FBXO17: variants seen among roughly 807,000 people sequenced by gnomAD.
The protein encoded by FBXO17 is F-box only protein 17.
A neutral mutation model predicts 34.1 loss-of-function variants in FBXO17; 43 were observed. The ratio of observed to expected loss-of-function variants is 1.26; its 90% CI spans 0.99 to 1.62. The LOEUF (loss-of-function observed/expected upper bound fraction) is 1.62, where lower values mean the gene tolerates loss of function less well. Among genes scored for constraint, FBXO17 ranks in the 40% most tolerant of loss-of-function variants. The pLI is 0.00. For synonymous variants in FBXO17, 169 were observed against 166.0 expected, an observed-to-expected ratio of 1.02 and a Z score of -0.14; for missense variants, 424 against 386.7, an observed-to-expected ratio of 1.10 and a Z score of -0.81.
In FBXO17 at chr19:38,963,618, T is replaced by C. The variant is rs184013519; in HGVS notation, c.-18+11968A>G. On this transcript the variant is annotated intron_variant, in intron 1 of 5. Coordinates refer to ENST00000292852, the MANE Select transcript of FBXO17 (RefSeq NM_024907.7). ...CATCCACTTGTTGTGTATCAATCAG[T>C]AGTCTATTCCTTTTTATTGCTGGGT... Among the ~76,000 whole-genome samples, 322 of 152,210 alleles carry C rather than the reference T, an allele frequency of 2.1e-3. 1 individual carries two copies. The highest frequency in any genetic ancestry group is 7.5e-3 in the African/African-American group (312 of 41,526).
intron 1 of FBXO17, among the ~76,000 whole-genome samples, chr19:38,965,342 T>TA (rs532014818): frequency 6.6e-6 from 1 of 151,608 alleles, no homozygotes. Context: ...TTCTTTTTTT[T>TA]TTTTGAGATG....
chr19:38,949,807 G>C, intron 2 of FBXO17, 164 bp downstream of exon 2: 2 of 863,684 alleles, frequency 2.3e-6, no homozygotes, highest in Non-Finnish European at 3.4e-6. Context: ...CTCCAGCCCC[G>C]CCCACCGGGC....
intron 1 of FBXO17, among the ~76,000 whole-genome samples, chr19:38,956,505 T>C (rs554417645): frequency 6.6e-6 from 1 of 152,280 alleles, no homozygotes; most frequent in East Asian, 1.9e-4. Flanking sequence ...ATAGAATTCA[T>C]GAGCTGATCC....
At chr19:38,943,030 G>C (rs539732861) in intron 5 of FBXO17, among the ~76,000 whole-genome samples, 2 of 152,254 alleles carry the variant, frequency 1.3e-5, no homozygotes, top group African/African-American at 4.8e-5. Flanking sequence ...GCCCCACAGA[G>C]GTGACACCTG....
intron 1 of FBXO17, among the ~76,000 whole-genome samples, chr19:38,958,452 A>C (rs1010903011): frequency 1.1e-4 from 16 of 151,484 alleles, no homozygotes; most frequent in African/African-American, 3.9e-4. Flanking sequence ...AAACACGAAA[A>C]GTGGCTCAAC....
chr19:38,945,970 CCCAGGGAAGAGA>C (rs1335626406), intron 4 of FBXO17: 2 of 181,052 alleles, frequency 1.1e-5, no homozygotes. Context: ...GAGCCAGAGC[CCCAGGGAAGAGA>C]CCAGATTTTC....
At chr19:38,946,174 C>T (rs1052213937) in intron 4 of FBXO17, 4 of 456,130 alleles carry the variant, frequency 8.8e-6, no homozygotes, top group Non-Finnish European at 1.6e-5. Context: ...CCTGGGCATC[C>T]ACAAGGTGGT....
chr19:38,949,937 C>G, intron 2 of FBXO17, 34 bp downstream of exon 2: 4 of 1,487,170 alleles, frequency 2.7e-6, no homozygotes, highest in Non-Finnish European at 3.6e-6. Context: ...GCGCGGCCCC[C>G]CTCAGCCTCC....
chr19:38,958,067 C>T (rs967126913), intron 1 of FBXO17, among the ~76,000 whole-genome samples: 1 of 146,224 alleles, frequency 6.8e-6, no homozygotes, highest in Non-Finnish European at 1.5e-5. Flanking sequence ...GAAGGGGCCA[C>T]TGTATTCCAG....
At chr19:38,959,282 T>C (rs201771317) in intron 1 of FBXO17, among the ~76,000 whole-genome samples, 8,846 of 64,170 alleles carry the variant, frequency 0.14, 361 homozygotes, top group East Asian at 0.47. Context: ...TTTCTTTCTT[T>C]CTTTTTTTTT....
chr19:38,962,106 TAAAAAAAAAA>T (rs71167604), intron 1 of FBXO17, among the ~76,000 whole-genome samples: 1 of 92,500 alleles, frequency 1.1e-5, no homozygotes, highest in African/African-American at 4.5e-5. Flanking sequence ...GGGACGCTGT[TAAAAAAAAAA>T]AAAAAAAAAA....
chr19:38,942,828 A>G (rs1974912882), intron 5 of FBXO17, 77 bp from the exon 6 acceptor site: 22 of 1,521,854 alleles, frequency 1.4e-5, no homozygotes, highest in Non-Finnish European at 1.9e-5. Context: ...ATAGGCCCAA[A>G]GGACTGAGGA....
In FBXO17 at chr19:38,946,496, T is replaced by C; in HGVS notation, c.533A>G (p.Gln178Arg). 1.2e-6 allele frequency: 2 copies of C among 1,614,022 alleles called. No individual in the cohort carries two copies. Among genetic ancestry groups the C allele is most frequent in the Non-Finnish European group, 1.7e-6 (2 of 1,179,930 alleles). ...GVWQELLDSA[Q>R]IEICVADWWG... ...CCAGTCAGCCACACAGATCTCAATC[T>C]GGGCGCTGTCCAGCAGCTCCTGCCA... The change falls in exon 4 of 6, where the codon CAG becomes CGG. Residue 178 changes from glutamine (Q) to arginine (R), a missense_variant. Transcript: ENST00000292852.
intron 1 of FBXO17, among the ~76,000 whole-genome samples, chr19:38,963,508 A>T (rs1277946843): frequency 6.6e-6 from 1 of 151,954 alleles, no homozygotes; most frequent in East Asian, 1.9e-4. Flanking sequence ...TGCCCAGGCT[A>T]GCCTTGAACT....
chr19:38,960,284 A>G (rs1975228848), intron 1 of FBXO17, among the ~76,000 whole-genome samples: 1 of 65,172 alleles, frequency 1.5e-5, no homozygotes, highest in Admixed American at 2.4e-4. Flanking sequence ...ATAATAAGCC[A>G]TTATTCCTTT....
At chr19:38,967,768 A>G (rs1975339827) in intron 1 of FBXO17, among the ~76,000 whole-genome samples, 1 of 151,836 alleles carries the variant, frequency 6.6e-6, no homozygotes, top group African/African-American at 2.4e-5. Context: ...GTCTTCCTAT[A>G]TTGCCCAGGC....
At chr19:38,966,206 G>T (rs946705907) in intron 1 of FBXO17, among the ~76,000 whole-genome samples, 2 of 151,868 alleles carry the variant, frequency 1.3e-5, no homozygotes, top group Non-Finnish European at 2.9e-5. Context: ...CTGACCTCAG[G>T]TGATCCACCC....
At chr19:38,963,639 T>TG (rs1975282674) in intron 1 of FBXO17, among the ~76,000 whole-genome samples, 1 of 152,240 alleles carries the variant, frequency 6.6e-6, no homozygotes, top group Non-Finnish European at 1.5e-5. Context: ...TTTTTATTGC[T>TG]GGGTAATAGT....
chr19:38,959,141 C>G lies in FBXO17; in HGVS notation c.-17-8805G>C, dbSNP rs147475318. ...TTGCCCAGGCTGGTCTCTTCCTGGG[C>G]TCAAGTGATCCTGTCGCCTTGGCCT... On this transcript the variant is annotated intron_variant, in intron 1 of 5. Transcript: ENST00000292852. Among the ~76,000 whole-genome samples, 131 of 151,572 alleles carry G rather than the reference C, an allele frequency of 8.6e-4. 2 individuals carry two copies. The East Asian group carries it at 0.013, about 15-fold the overall frequency.
Sources: gnomAD v4.1 joint callset for allele counts (sites outside exome capture counted in the v4.1 genomes callset) on GRCh38, gnomAD v4.1.1 for gene constraint, MANE v1.5 for transcripts, NCBI Gene and HGNC (gene_info 2026-07-23, HGNC 2026-07-21) for gene names.